The following HS6ST2 variants were observed in gnomAD, a reference collection of about 807,000 sequenced individuals.
HS6ST2 encodes the protein heparan-sulfate 6-O-sulfotransferase 2.
In HS6ST2, 17 loss-of-function variants were observed where a neutral mutation model predicts 33.0. That is an observed-to-expected ratio of 0.52 (90% confidence interval 0.35 to 0.77). HS6ST2 has a LOEUF of 0.77. Ranked by LOEUF, HS6ST2 falls within the 30% of genes least tolerant of loss-of-function variation. The probability of loss-of-function intolerance (pLI) is 0.01; values close to 1 mark genes in which losing one functional copy is unlikely to be tolerated. For missense variants in HS6ST2, 519 were observed against 551.7 expected, an observed-to-expected ratio of 0.94 and a Z score of 0.59; for synonymous variants, 248 against 237.1, an observed-to-expected ratio of 1.05 and a Z score of -0.42.
At chrX:132,943,679 C>T (rs1226324872) in intron 2 of HS6ST2, among the ~76,000 whole-genome samples, 1 of 111,274 alleles carries the variant, frequency 9.0e-6, no homozygotes, top group Non-Finnish European at 1.9e-5. Flanking sequence ...TGGGCTTCAT[C>T]CCTGGGATGC....
At chrX:132,676,705 G>T (rs961569653) in intron 3 of HS6ST2, among the ~76,000 whole-genome samples, 1 of 111,550 alleles carries the variant, frequency 9.0e-6, no homozygotes, top group African/African-American at 3.3e-5. Flanking sequence ...TGGGACCTGA[G>T]AATTTACAAT....
intron 2 of HS6ST2, among the ~76,000 whole-genome samples, chrX:132,810,174 G>A (rs1292433659): frequency 9.0e-6 from 1 of 111,621 alleles, no homozygotes; most frequent in East Asian, 2.8e-4. Context: ...GACAGGCCGA[G>A]GTGGGAGGAT....
chrX:132,794,568 G>GATTATTATTATT lies in HS6ST2; in HGVS notation c.948-86075_948-86074insAATAATAATAAT, dbSNP rs200135097. 4.9e-3 allele frequency among the ~76,000 whole-genome samples: 478 copies of GATTATTATTATT among 97,944 alleles called. 4 individuals carry two copies. Among genetic ancestry groups the GATTATTATTATT allele is most frequent in the African/African-American group, 0.018 (451 of 24,499 alleles). 85.1% of individuals were successfully genotyped at this position (97,944 alleles called of 115,157 possible). A position where few individuals can be genotyped will look rare whatever the true frequency, so the allele number is the denominator to read the frequency against. On this transcript the variant is annotated intron_variant, in intron 2 of 4. Coordinates refer to ENST00000370833, the MANE Select transcript of HS6ST2 (RefSeq NM_001394073.1). The stretch of plus-strand genomic sequence containing the variant: ...TTCACCACTCCTGGATGATGATGAT[G>GATTATTATTATT]ATGATGATTATTATTATTATTATTA...
intron 2 of HS6ST2, among the ~76,000 whole-genome samples, chrX:132,736,137 G>A (rs2148282473): frequency 9.0e-6 from 1 of 111,597 alleles, no homozygotes; most frequent in African/African-American, 3.3e-5. Flanking sequence ...GAGCTACCGT[G>A]CCCGGACAAC....
intron 2 of HS6ST2, among the ~76,000 whole-genome samples, chrX:132,833,296 A>C (rs1353748830): frequency 9.0e-6 from 1 of 111,421 alleles, no homozygotes; most frequent in Non-Finnish European, 1.9e-5. Flanking sequence ...CATTCATTGG[A>C]ATGTGAGTGC....
chrX:132,945,931 A>G (rs998995035), intron 2 of HS6ST2, among the ~76,000 whole-genome samples: 32 of 110,030 alleles, frequency 2.9e-4, no homozygotes, highest in African/African-American at 1.1e-3. Context: ...GCACACCAAC[A>G]TGGCACATGT....
intron 2 of HS6ST2, among the ~76,000 whole-genome samples, chrX:132,810,621 A>G (rs2065332092): frequency 9.0e-6 from 1 of 110,884 alleles, no homozygotes; most frequent in African/African-American, 3.3e-5. Flanking sequence ...CTGAATCTCC[A>G]CTCAGCCATG....
At chrX:132,769,646 A>G (rs774346330) in intron 2 of HS6ST2, among the ~76,000 whole-genome samples, 11 of 112,550 alleles carry the variant, frequency 9.8e-5, no homozygotes, top group Non-Finnish European at 1.5e-4. Flanking sequence ...CCACTGCTAA[A>G]AAGCTTTGGG....
intron 2 of HS6ST2, among the ~76,000 whole-genome samples, chrX:132,755,762 C>T (rs1269361966): frequency 9.0e-6 from 1 of 111,710 alleles, no homozygotes; most frequent in African/African-American, 3.3e-5. Flanking sequence ...CTCAAGAGTT[C>T]CATGATCGCG....
chrX:132,818,640 G>A (rs998621469), intron 2 of HS6ST2, among the ~76,000 whole-genome samples: 6 of 112,045 alleles, frequency 5.4e-5, no homozygotes, highest in African/African-American at 1.9e-4. Context: ...GCAAAACTCA[G>A]GGCTTGCTGT....
chrX:132,726,498 C>G, intron 2 of HS6ST2, among the ~76,000 whole-genome samples: 1 of 112,166 alleles, frequency 8.9e-6, no homozygotes, highest in Non-Finnish European at 1.9e-5. Flanking sequence ...AAATTTCTAA[C>G]AGCTTTATGA....
chrX:132,953,385 T>C (rs1356676972), intron 2 of HS6ST2, among the ~76,000 whole-genome samples: 1 of 111,248 alleles, frequency 9.0e-6, no homozygotes, highest in Non-Finnish European at 1.9e-5. Context: ...TCTCTCTTTG[T>C]CCTCTCCAGG....
intron 2 of HS6ST2, among the ~76,000 whole-genome samples, chrX:132,724,853 G>A (rs963217507): frequency 9.0e-6 from 1 of 111,589 alleles, no homozygotes; most frequent in African/African-American, 3.3e-5. Flanking sequence ...ATCCATACAT[G>A]GACATTGAAC....
chrX:132,895,391 C>T (rs1340866890), intron 2 of HS6ST2, among the ~76,000 whole-genome samples: 1 of 111,206 alleles, frequency 9.0e-6, no homozygotes, highest in Non-Finnish European at 1.9e-5. Flanking sequence ...GCTACTTCCA[C>T]GGAAATCATT....
chrX:132,846,604 G>C (rs2148403612), intron 2 of HS6ST2, among the ~76,000 whole-genome samples: 1 of 111,999 alleles, frequency 8.9e-6, no homozygotes, highest in Non-Finnish European at 1.9e-5. Flanking sequence ...ATCTGTCTAG[G>C]CATGTGGAAC....
chrX:132,778,872 G>A (rs902044856), intron 2 of HS6ST2, among the ~76,000 whole-genome samples: 1 of 111,881 alleles, frequency 8.9e-6, no homozygotes, highest in Non-Finnish European at 1.9e-5. Context: ...TTCCTGAAAA[G>A]CTATAAAAAC....
At chrX:132,863,746 G>A (rs1265188244) in intron 2 of HS6ST2, among the ~76,000 whole-genome samples, 1 of 111,617 alleles carries the variant, frequency 9.0e-6, no homozygotes, top group East Asian at 2.8e-4. Flanking sequence ...TTCTACCCAA[G>A]AGACTCTATT....
intron 2 of HS6ST2, among the ~76,000 whole-genome samples, chrX:132,746,019 A>G (rs1168373382): frequency 8.9e-6 from 1 of 111,986 alleles, no homozygotes; most frequent in African/African-American, 3.2e-5. Flanking sequence ...CTACAGTACA[A>G]AAAAAGAGAT....
At chrX:132,629,240 T>C (rs1019638497) in intron 4 of HS6ST2, 147 bp from the exon 5 acceptor site, 1 of 603,665 alleles carries the variant, frequency 1.7e-6, no homozygotes, top group African/African-American at 2.3e-5. Flanking sequence ...TCCTGTAAAC[T>C]GTACTGCAGT....
Sources: gnomAD v4.1 joint callset for allele counts (sites outside exome capture counted in the v4.1 genomes callset) on GRCh38, gnomAD v4.1.1 for gene constraint, MANE v1.5 for transcripts, NCBI Gene and HGNC (gene_info 2026-07-23, HGNC 2026-07-21) for gene names.